Variants in ARID1B observed in about 807,000 individuals in gnomAD.
The protein encoded by ARID1B is AT-rich interactive domain-containing protein 1B.
Under a neutral mutation model 212.3 loss-of-function variants are expected in ARID1B, and 30 were observed. The observed-to-expected ratio is 0.14, with a 90% CI of 0.11 to 0.19. The LOEUF is 0.19. Among genes scored for constraint, ARID1B ranks in the 10% least tolerant of loss-of-function variants. The pLI is 1.00. For missense variants in ARID1B, 2,891 were observed against 3,204.0 expected (o/e 0.90, Z 2.36); for synonymous variants, 1,402 against 1,301.7 (o/e 1.08, Z -1.66).
rs759078059 is a variant in ARID1B at position 156,779,417 on chromosome 6, G to C, written c.1737G>C (p.Arg579Ser). 4.1e-6 allele frequency: 6 copies of C among 1,465,296 alleles called. No individual in the cohort carries two copies. The highest frequency in any genetic ancestry group is 2.1e-5 in the Admixed American group (1 of 47,582). 90.8% of individuals were successfully genotyped at this position (1,465,296 alleles called of 1,614,324 possible). A position where few individuals can be genotyped will look rare whatever the true frequency, so the allele number is the denominator to read the frequency against. ...CGGCCTGGGCGGCCGCGCAACAAAG[G>C]AGTCACCCGGCGATGAGCCCCGGCA... ...ASPAWAAAQQ[R>S]SHPAMSPGTP... Residue 579 changes from arginine to serine, a missense_variant, in exon 1 of 20, where the codon AGG becomes AGC. Arg to Ser is a moderately radical substitution (Grantham distance 110). Coordinates refer to ENST00000636930, the MANE Select transcript of ARID1B (RefSeq NM_001374828.1).
At chr6:157,050,544 CAAAAAT>C (rs1273649839) in intron 4 of ARID1B, among the ~76,000 whole-genome samples, 1 of 151,848 alleles carries the variant, frequency 6.6e-6, no homozygotes. Context: ...AATCTTATCT[CAAAAAT>C]AAAAAAGTTA....
intron 3 of ARID1B, among the ~76,000 whole-genome samples, chr6:156,934,114 A>G (rs897405304): frequency 6.6e-6 from 1 of 152,250 alleles, no homozygotes; most frequent in Non-Finnish European, 1.5e-5. Flanking sequence ...ATACCAACAC[A>G]TATTTGAACT....
At chr6:156,985,317 A>G (rs996162331) in intron 4 of ARID1B, 29 of 152,260 alleles carry the variant, frequency 1.9e-4, no homozygotes, top group African/African-American at 6.3e-4. Context: ...ATTGATAAAC[A>G]TAGTTAGCAA....
At chr6:156,967,357 A>C (rs1794840166) in intron 4 of ARID1B, among the ~76,000 whole-genome samples, 1 of 152,240 alleles carries the variant, frequency 6.6e-6, no homozygotes, top group African/African-American at 2.4e-5. Flanking sequence ...TTAAGACACA[A>C]ATCACCATAG....
intron 1 of ARID1B, among the ~76,000 whole-genome samples, chr6:156,814,484 G>T (rs1252577662): frequency 6.6e-6 from 1 of 152,218 alleles, no homozygotes; most frequent in Non-Finnish European, 1.5e-5. Flanking sequence ...TTTAAAAGAG[G>T]CTGTGTTTGG....
intron 4 of ARID1B, among the ~76,000 whole-genome samples, chr6:156,951,865 T>G (rs530339020): frequency 6.6e-6 from 1 of 152,346 alleles, no homozygotes; most frequent in East Asian, 1.9e-4. Flanking sequence ...ATATGAGTTT[T>G]TAATATAGTG....
At chr6:156,810,736 C>T (rs1011006984) in intron 1 of ARID1B, among the ~76,000 whole-genome samples, 1 of 152,164 alleles carries the variant, frequency 6.6e-6, no homozygotes, top group African/African-American at 2.4e-5. Flanking sequence ...TGTCTTCAGG[C>T]TTCTGGAGAA....
In ARID1B at chr6:156,922,606, A is replaced by T. The variant is rs116981731; in HGVS notation, c.2137-12860A>T. Reference sequence around the variant, plus strand: ...TTCAGTTATTTAGAAAAGTATTACAATGTTGAATGTGGTTATTTGCAGCTA... The same window carrying T: ...TTCAGTTATTTAGAAAAGTATTACATTGTTGAATGTGGTTATTTGCAGCTA... On this transcript the variant is annotated intron_variant, in intron 3 of 19. Transcript: ENST00000636930. Among the ~76,000 whole-genome samples, 876 of 152,354 alleles carry T rather than the reference A, an allele frequency of 5.7e-3. 3 individuals are homozygous for T. Among genetic ancestry groups the T allele is most frequent in the Non-Finnish European group, 9.9e-3 (671 of 68,034 alleles).
chr6:156,932,274 TAAAG>T (rs1478119003), intron 3 of ARID1B, among the ~76,000 whole-genome samples: 2 of 152,030 alleles, frequency 1.3e-5, no homozygotes, highest in Non-Finnish European at 2.9e-5. Flanking sequence ...ACTCGTAACA[TAAAG>T]AAGGTTAAGG....
intron 2 of ARID1B, among the ~76,000 whole-genome samples, chr6:156,877,563 C>G (rs1262192325): frequency 1.3e-5 from 2 of 152,128 alleles, no homozygotes; most frequent in Non-Finnish European, 2.9e-5. Context: ...GTGTCCCCTG[C>G]TGAACTTGTG....
rs567328631 is a variant in ARID1B at position 157,203,327 on chromosome 6, T to C, written c.5264-539T>C. Among the ~76,000 whole-genome samples the C allele has an allele frequency of 2.6e-4, 40 of 152,328 alleles. No homozygotes were observed. The highest frequency in any genetic ancestry group is 9.1e-4 in the African/African-American group (38 of 41,574). On this transcript the variant is annotated intron_variant, in intron 18 of 19. Coordinates refer to ENST00000636930, the MANE Select transcript of ARID1B (RefSeq NM_001374828.1). The surrounding 1 kb of genome is among the most constrained non-coding windows in gnomAD (Gnocchi z 4.4). ...CAAAGTGCTAATATTTATCACAGCA[T>C]GTTCTGAGGGCAGGAGCACAGGACT...
intron 8 of ARID1B, among the ~76,000 whole-genome samples, chr6:157,163,362 G>T (rs1791077974): frequency 1.3e-5 from 2 of 152,200 alleles, no homozygotes; most frequent in African/African-American, 4.8e-5. Flanking sequence ...GGTTAGTTAG[G>T]GCGGCAGCCA....
rs2114985691 is a variant in ARID1B, at chr6:156,778,783, A to G, written c.1103A>G (p.Asn368Ser). 6.7e-7 allele frequency: 1 copy of G among 1,501,806 alleles called. No individual in the cohort carries two copies. The allele number at this position is 1,501,806 out of a possible 1,614,324, so 93.0% of individuals were successfully genotyped here. ...GAPGSMDPLQ[N>S]SHEGYPNSQC... The stretch of plus-strand genomic sequence containing the variant: ...CCCGGCAGCATGGACCCCCTGCAGA[A>G]CTCCCACGAAGGGTACCCCAACAGC... The change falls in exon 1 of 20, where the codon AAC (asparagine) becomes AGC (serine). Residue 368 changes from asparagine to serine, a missense_variant. Coordinates refer to ENST00000636930, the MANE Select transcript of ARID1B (RefSeq NM_001374828.1).
intron 6 of ARID1B, among the ~76,000 whole-genome samples, chr6:157,132,288 C>T (rs1025641130): frequency 6.6e-6 from 1 of 152,154 alleles, no homozygotes; most frequent in Non-Finnish European, 1.5e-5. Flanking sequence ...GCCTTGTGGG[C>T]GTCCCATGTG....
In ARID1B at chr6:157,094,100, C is replaced by T. The variant is rs141459358; in HGVS notation, c.2491+9195C>T. Among the ~76,000 whole-genome samples the T allele has an allele frequency of 6.1e-3, 922 of 152,170 alleles. 10 individuals are homozygous for T. Among genetic ancestry groups the T allele is most frequent in the African/African-American group, 0.021 (880 of 41,512 alleles). On this transcript the variant is annotated intron_variant, in intron 5 of 19. Coordinates refer to ENST00000636930, the MANE Select transcript of ARID1B (RefSeq NM_001374828.1). This position sits in a 1 kb window ranked among gnomAD's most constrained non-coding sequence, Gnocchi z 4.3. ...TTAGGGCAGGTGTCTCTCTTAGAAG[C>T]TGATATTTGAACAAGAGAAGTGAAA...
At chr6:157,142,989 A>G (rs1789483469) in intron 7 of ARID1B, among the ~76,000 whole-genome samples, 1 of 152,242 alleles carries the variant, frequency 6.6e-6, no homozygotes. Context: ...CATTGCAACT[A>G]TCAACTTTAA....
intron 8 of ARID1B, among the ~76,000 whole-genome samples, chr6:157,163,225 G>A (rs1363773067): frequency 6.6e-6 from 1 of 152,120 alleles, no homozygotes; most frequent in East Asian, 1.9e-4. Flanking sequence ...TGCTGCTGAG[G>A]TCGCCTCGAA....
chr6:156,958,446 G>A (rs1343144740), intron 4 of ARID1B, among the ~76,000 whole-genome samples: 1 of 152,182 alleles, frequency 6.6e-6, no homozygotes, highest in East Asian at 1.9e-4. Flanking sequence ...TATTTATGAT[G>A]GGAGAAGGAG....
chr6:157,042,681 C>T (rs1321582127), intron 4 of ARID1B, among the ~76,000 whole-genome samples: 3 of 137,772 alleles, frequency 2.2e-5, no homozygotes, highest in African/African-American at 8.4e-5. Context: ...TTTTTTGAGA[C>T]AGAGTCTCAC....
Sources: gnomAD v4.1 joint callset for allele counts (sites outside exome capture counted in the v4.1 genomes callset) on GRCh38, gnomAD v4.1.1 for gene constraint, Gnocchi (gnomAD v3.1) non-coding constraint, MANE v1.5 for transcripts, NCBI Gene and HGNC (gene_info 2026-07-23, HGNC 2026-07-21) for gene names.